The following OSBP variants were observed in gnomAD, a reference collection of about 807,000 sequenced individuals.
OSBP encodes the protein oxysterol-binding protein 1.
In OSBP, 32 loss-of-function variants were observed where a neutral mutation model predicts 96.6. That is an observed-to-expected ratio of 0.33 (90% CI 0.25 to 0.45). The LOEUF (loss-of-function observed/expected upper bound fraction) is 0.45, where lower values mean the gene tolerates loss of function less well. OSBP is among the 20% of genes least tolerant of loss of function. The pLI, the probability that OSBP is intolerant of heterozygous loss-of-function variation, is 1.00. For synonymous variants in OSBP, 369 were observed against 389.6 expected (o/e 0.95, Z 0.62); for missense variants, 653 against 1,029.7 (o/e 0.63, Z 5.01).
At chr11:59,600,435 C>A in intron 7 of OSBP, 61 bp downstream of exon 7, 1 of 1,587,574 alleles carries the variant, frequency 6.3e-7, no homozygotes, top group Non-Finnish European at 8.6e-7. Flanking sequence ...CATATCAGCA[C>A]TCTTCCCACT....
chr11:59,600,949 AG>A, intron 5 of OSBP, 76 bp from the exon 6 acceptor site: 1 of 1,240,034 alleles, frequency 8.1e-7, no homozygotes, highest in African/African-American at 1.5e-5. Context: ...TTCTTTACAA[AG>A]CAGAATGCCA....
Position 59,581,446 on chromosome 11 carries a change from C to T in OSBP, c.1782+5G>A. On this transcript the variant is annotated splice_donor_5th_base_variant and intron_variant, in intron 10 of 13. Coordinates refer to ENST00000263847, the MANE Select transcript of OSBP (RefSeq NM_002556.3). ...TTCACACACACTTTGGGTACCTTTCCTCACCTGATCTATCCACAACTTGCC... is the reference window on the plus strand; with the variant it reads ...TTCACACACACTTTGGGTACCTTTCTTCACCTGATCTATCCACAACTTGCC... 1 of 1,570,272 alleles carries T rather than the reference C, an allele frequency of 6.4e-7. No individual in the cohort carries two copies. Among genetic ancestry groups the T allele is most frequent in the Non-Finnish European group, 8.7e-7 (1 of 1,143,150 alleles).
Position 59,600,855 on chromosome 11 carries a change from G to A in OSBP, c.1143C>T (p.Ile381=). Residue 381 remains isoleucine (I), a synonymous_variant, in exon 6 of 14, where the codon ATC becomes ATT. Coordinates refer to ENST00000263847, the MANE Select transcript of OSBP (RefSeq NM_002556.3). ...NLGHKRTGSN[I]SGASSDISLD... ...GGCTGATGTCACTGCTGGCTCCACT[G>A]ATATTGCTGCCAGTACGTCTGTACA... The A allele has an allele frequency of 2.5e-6, 4 of 1,613,604 alleles. No individual in the cohort carries two copies. Among genetic ancestry groups the A allele is most frequent in the Non-Finnish European group, 3.4e-6 (4 of 1,179,686 alleles).
chr11:59,601,407 T>A (rs771861889), intron 4 of OSBP, 22 bp from the exon 5 acceptor site: 1 of 1,539,576 alleles, frequency 6.5e-7, no homozygotes. Flanking sequence ...AAAGCCCCAT[T>A]TGTTGACTTT....
chr11:59,611,347 T>C (rs1860845195), intron 1 of OSBP, among the ~76,000 whole-genome samples: 1 of 152,172 alleles, frequency 6.6e-6, no homozygotes, highest in South Asian at 2.1e-4. Context: ...AGTCAGGAAT[T>C]ATCTTTTACT....
intron 9 of OSBP, among the ~76,000 whole-genome samples, chr11:59,586,718 G>C (rs1477424452): frequency 1.3e-5 from 2 of 152,172 alleles, no homozygotes; most frequent in Non-Finnish European, 2.9e-5. Flanking sequence ...ATAGAACAAA[G>C]AGCCCAGAAA....
At chr11:59,580,300 G>T in intron 10 of OSBP, 31 bp from the exon 11 acceptor site, 3 of 1,378,110 alleles carry the variant, frequency 2.2e-6, no homozygotes, top group South Asian at 1.2e-5. Flanking sequence ...GTTTTATTAA[G>T]ACTGGATAAA....
chr11:59,579,858 C>T (rs1323710845), intron 11 of OSBP, among the ~76,000 whole-genome samples: 4 of 151,696 alleles, frequency 2.6e-5, no homozygotes, highest in South Asian at 2.1e-4. Flanking sequence ...ATTACAGGCA[C>T]GCGCCACCAC....
intron 2 of OSBP, 136 bp downstream of exon 2, chr11:59,610,245 T>C: frequency 2.7e-6 from 2 of 747,570 alleles, no homozygotes; most frequent in Non-Finnish European, 4.6e-6. Context: ...GCAGAAATAC[T>C]GCATGAAGAC....
chr11:59,579,543 G>A (rs868562866), intron 11 of OSBP, among the ~76,000 whole-genome samples: 10 of 151,820 alleles, frequency 6.6e-5, no homozygotes, highest in Non-Finnish European at 1.5e-4. Context: ...ATGTTGGTCA[G>A]GCTGGTCTCG....
intron 1 of OSBP, among the ~76,000 whole-genome samples, chr11:59,613,256 C>T (rs1461230575): frequency 6.6e-6 from 1 of 152,144 alleles, no homozygotes; most frequent in Non-Finnish European, 1.5e-5. Flanking sequence ...AGGCCTATGG[C>T]ATATTTCCCA....
Position 59,608,508 on chromosome 11 carries a change from C to G in OSBP, c.798G>C (p.Arg266Ser). ...CGTTGATCATGGCATTGGATGTTAT[C>G]CTAAAGAGTGTGGCTCGTTCGTTGA... The part of the protein sequence containing the change: ...KQVNERATLF[R>S]ITSNAMINAC... The change falls in exon 3 of 14, where the codon AGG becomes AGC. Residue 266 changes from arginine to serine, a missense_variant. Physicochemically the swap from Arg to Ser is moderately radical, Grantham distance 110. Around this residue, in one of 6 missense-constraint regions of OSBP, gnomAD observed 308 missense variants for 573.1 expected, o/e 0.54. Transcript: ENST00000263847. 6.2e-7 allele frequency: 1 copy of G among 1,614,142 alleles called. No individual in the cohort carries two copies. The highest frequency in any genetic ancestry group is 8.5e-7 in the Non-Finnish European group (1 of 1,180,012).
intron 3 of OSBP, among the ~76,000 whole-genome samples, chr11:59,605,437 G>C (rs985589847): frequency 3.3e-5 from 5 of 152,014 alleles, no homozygotes; most frequent in Non-Finnish European, 1.5e-5. Context: ...TTGAGACAGA[G>C]TCTCGCTCTG....
intron 7 of OSBP, among the ~76,000 whole-genome samples, chr11:59,599,306 A>G (rs151221515): frequency 1.3e-5 from 2 of 152,322 alleles, no homozygotes; most frequent in East Asian, 3.9e-4. Flanking sequence ...TAACAACTGA[A>G]TTCATCTAAT....
intron 3 of OSBP, among the ~76,000 whole-genome samples, chr11:59,603,362 G>A (rs1000433967): frequency 6.6e-6 from 1 of 152,018 alleles, no homozygotes; most frequent in Non-Finnish European, 1.5e-5. Flanking sequence ...AGGTAAACAG[G>A]ATATTTACTC....
chr11:59,595,337 CT>C (rs151071598), intron 7 of OSBP, among the ~76,000 whole-genome samples: 1 of 151,730 alleles, frequency 6.6e-6, no homozygotes, highest in Non-Finnish European at 1.5e-5. Flanking sequence ...AAAAAATTCC[CT>C]TTTAGTGAAT....
At chr11:59,581,643 C>G in intron 9 of OSBP, 89 bp from the exon 10 acceptor site, 1 of 593,040 alleles carries the variant, frequency 1.7e-6, no homozygotes. Flanking sequence ...TAATTTCCTT[C>G]TATTGATATT....
At chr11:59,611,150 A>AAAAGAAAG (rs1197469501) in intron 1 of OSBP, among the ~76,000 whole-genome samples, 4 of 150,606 alleles carry the variant, frequency 2.7e-5, no homozygotes, top group African/African-American at 7.4e-5. Flanking sequence ...AAAAAAAAAA[A>AAAAGAAAG]AAAGAAAGAA....
rs1477924453 is a variant in OSBP, at chr11:59,576,489, C to G, written c.*88G>C. The G allele has an allele frequency of 2.8e-6, 4 of 1,420,558 alleles. No homozygotes were observed. The highest frequency in any genetic ancestry group is 2.3e-5 in the East Asian group (1 of 43,880). The allele number at this position is 1,420,558 out of a possible 1,614,324, so 88.0% of individuals were successfully genotyped here. On this transcript the variant is annotated 3_prime_UTR_variant, in exon 14 of 14. Transcript: ENST00000263847. ...AAGAGAGACAAACTTGAGGAAAGCA[C>G]TTGGTAAGAGAGTCACAACTTCCAG...
Sources: allele counts gnomAD v4.1 joint callset (sites outside exome capture counted in the v4.1 genomes callset), GRCh38; gene constraint gnomAD v4.1.1; regional missense constraint gnomAD v4.1.1; transcripts MANE v1.5; gene names NCBI Gene and HGNC (gene_info 2026-07-23, HGNC 2026-07-21).